The following CNTN5 variants were observed in gnomAD, a reference collection of about 807,000 sequenced individuals.
CNTN5 encodes the protein contactin 5, also known as contactin-5.
CNTN5 carries 77 observed loss-of-function variants against 129.1 expected under a neutral mutation model. That is an observed-to-expected ratio of 0.60 (90% CI 0.50 to 0.72). CNTN5 has a LOEUF of 0.72. Ranked by LOEUF, CNTN5 falls within the 30% of genes least tolerant of loss-of-function variation. The pLI, the probability that CNTN5 is intolerant of heterozygous loss-of-function variation, is 0.00. For synonymous variants in CNTN5, 509 were observed against 465.6 expected (o/e 1.09, Z -1.20); for missense variants, 1,478 against 1,328.8 (o/e 1.11, Z -1.75).
At chr11:99,576,542 T>C (rs1312350483) in intron 3 of CNTN5, among the ~76,000 whole-genome samples, 1 of 152,176 alleles carries the variant, frequency 6.6e-6, no homozygotes, top group African/African-American at 2.4e-5. Flanking sequence ...ACACTGTAGA[T>C]AAACCAGAGA....
rs773483789 is a variant in CNTN5 at position 99,408,480 on chromosome 11, A to AAG, written c.-71+82998_-71+82999dup. On this transcript the variant is annotated intron_variant, in intron 2 of 24. Transcript: ENST00000524871. Reference sequence around the variant, plus strand: ...AAAGAAAGAAAGAAAGAAAGAAAGAAAGAAAGAAAGAAAGAAAGAAAGAAA... The same window carrying AAG: ...AAAGAAAGAAAGAAAGAAAGAAAGAAAGAGAAAGAAAGAAAGAAAGAAAGAAA... Among the ~76,000 whole-genome samples the AAG allele has an allele frequency of 2.5e-4, 37 of 145,182 alleles. 2 individuals carry two copies. In the East Asian group the frequency reaches 2.9e-3, roughly 11 times the overall value.
intron 1 of CNTN5, among the ~76,000 whole-genome samples, chr11:99,139,816 C>T (rs1369322016): frequency 1.3e-5 from 2 of 152,008 alleles, no homozygotes; most frequent in Non-Finnish European, 2.9e-5. Context: ...ATTTTAAAAA[C>T]TTTCTGTCCT....
intron 3 of CNTN5, among the ~76,000 whole-genome samples, chr11:99,599,894 T>C (rs1950260387): frequency 6.6e-6 from 1 of 152,080 alleles, no homozygotes; most frequent in East Asian, 1.9e-4. Flanking sequence ...ATTTAATATA[T>C]TATACATAAA....
chr11:100,266,508 G>T (rs774800890), intron 17 of CNTN5, among the ~76,000 whole-genome samples: 7 of 151,750 alleles, frequency 4.6e-5, no homozygotes, highest in Non-Finnish European at 8.8e-5. Context: ...TTGTATAAAA[G>T]AGAAAGTTTT....
chr11:100,110,180 C>G (rs1454474394), intron 13 of CNTN5, among the ~76,000 whole-genome samples: 1 of 144,744 alleles, frequency 6.9e-6, no homozygotes, highest in Admixed American at 6.9e-5. Context: ...GAGTGAGACC[C>G]TATCTAAAAA....
chr11:99,938,842 A>G (rs1309607497), intron 7 of CNTN5, among the ~76,000 whole-genome samples: 1 of 152,152 alleles, frequency 6.6e-6, no homozygotes, highest in Non-Finnish European at 1.5e-5. Context: ...TAAATAGTCT[A>G]GGTGATAGAA....
intron 4 of CNTN5, among the ~76,000 whole-genome samples, chr11:99,830,128 C>T (rs748604386): frequency 4.6e-5 from 7 of 151,856 alleles, no homozygotes; most frequent in Admixed American, 1.3e-4. Context: ...TTTTCGGGGG[C>T]GGGGAGCATG....
chr11:100,337,333 G>T lies in CNTN5; in HGVS notation c.2731-3130G>T, dbSNP rs1473779005. The T allele has an allele frequency of 2.3e-5, 20 of 886,418 alleles. No individual in the cohort carries two copies. In the East Asian group the frequency reaches 4.6e-4, roughly 20 times the overall value. 54.9% of individuals were successfully genotyped at this position (886,418 alleles called of 1,614,324 possible). A position where few individuals can be genotyped will look rare whatever the true frequency, so the allele number is the denominator to read the frequency against. On this transcript the variant is annotated intron_variant, in intron 21 of 24. Transcript: ENST00000524871. ...TGAATGAGTTCACCATACATATTCTGGAAGTGATCGATGCACACATGATCA... is the reference window on the plus strand; with the variant it reads ...TGAATGAGTTCACCATACATATTCTTGAAGTGATCGATGCACACATGATCA...
At chr11:99,508,152 G>A (rs531815246) in intron 2 of CNTN5, among the ~76,000 whole-genome samples, 19 of 152,236 alleles carry the variant, frequency 1.2e-4, no homozygotes, top group African/African-American at 4.3e-4. Context: ...AAGAAAGAAC[G>A]TAGGCTTGGG....
At chr11:100,249,347 T>C (rs1167752262) in intron 16 of CNTN5, among the ~76,000 whole-genome samples, 1 of 152,202 alleles carries the variant, frequency 6.6e-6, no homozygotes, top group African/African-American at 2.4e-5. Context: ...GAACCCTTTA[T>C]TGAGGCTAGA....
chr11:99,610,957 C>A (rs929497475), intron 3 of CNTN5, among the ~76,000 whole-genome samples: 1 of 152,142 alleles, frequency 6.6e-6, no homozygotes, highest in African/African-American at 2.4e-5. Context: ...CCCAAGTACG[C>A]GTGCACACCA....
At position 99,845,163 on chromosome 11, in the gene CNTN5, A is replaced by T; in HGVS notation, c.478A>T (p.Ser160Cys). The part of the protein sequence containing the change: ...YSLIDGTFII[S>C]NPSEAKDSGH... Reference sequence around the variant, plus strand: ...TTTGATAGATGGCACCTTCATTATAAGCAATCCAAGTGAAGCAAAGGATTC... The same window carrying T: ...TTTGATAGATGGCACCTTCATTATATGCAATCCAAGTGAAGCAAAGGATTC... The change falls in exon 6 of 25, where the codon AGC becomes TGC. Residue 160 changes from serine (S) to cysteine (C), a missense_variant. Transcript: ENST00000524871. 1 of 1,613,788 alleles carries T rather than the reference A, an allele frequency of 6.2e-7. No individual in the cohort carries two copies. The highest frequency in any genetic ancestry group is 8.5e-7 in the Non-Finnish European group (1 of 1,179,826).
chr11:99,325,148 T>C (rs1030147947), intron 1 of CNTN5, among the ~76,000 whole-genome samples, 198 bp from the exon 2 acceptor site: 3 of 151,878 alleles, frequency 2.0e-5, no homozygotes, highest in Non-Finnish European at 4.4e-5. Context: ...AAAGGAAAAA[T>C]ACATCTGAAA....
intron 15 of CNTN5, among the ~76,000 whole-genome samples, chr11:100,204,309 TATATATATATA>T (rs1948863946): frequency 1.4e-5 from 1 of 73,862 alleles, no homozygotes; most frequent in South Asian, 4.4e-4. Flanking sequence ...TATATATATA[TATATATATATA>T]TATATATATA....
intron 1 of CNTN5, among the ~76,000 whole-genome samples, chr11:99,106,333 T>TTATAA (rs1866992880): frequency 1.3e-5 from 2 of 152,090 alleles, no homozygotes; most frequent in Non-Finnish European, 2.9e-5. Context: ...CTCAAACATA[T>TTATAA]GCTTAAGTAC....
rs1555115013 is a variant in CNTN5 at position 99,338,932 on chromosome 11, A to ATATATATATATATG, written c.-71+13461_-71+13462insGTATATATATATAT. The stretch of plus-strand genomic sequence containing the variant: ...TGTTCATTCACAGATATATATATAT[A>ATATATATATATATG]TATATATATATATATCTGTGATATA... On this transcript the variant is annotated intron_variant, in intron 2 of 24. Transcript: ENST00000524871. 2.4e-3 allele frequency among the ~76,000 whole-genome samples: 344 copies of ATATATATATATATG among 142,952 alleles called. 1 individual carries two copies. Among genetic ancestry groups the ATATATATATATATG allele is most frequent in the Admixed American group, 4.5e-3 (64 of 14,074 alleles). The allele number at this position is 142,952 out of a possible 152,430, so 93.8% of individuals were successfully genotyped here.
At chr11:99,948,901 T>A (rs1005497917) in intron 7 of CNTN5, among the ~76,000 whole-genome samples, 1 of 152,204 alleles carries the variant, frequency 6.6e-6, no homozygotes, top group African/African-American at 2.4e-5. Flanking sequence ...CTTCCTGCCC[T>A]CATTGCATTC....
intron 9 of CNTN5, among the ~76,000 whole-genome samples, chr11:100,039,371 A>C (rs1240090797): frequency 6.6e-6 from 1 of 152,122 alleles, no homozygotes; most frequent in Non-Finnish European, 1.5e-5. Flanking sequence ...TTTGAGGGTA[A>C]CCCGACCTTT....
intron 2 of CNTN5, among the ~76,000 whole-genome samples, chr11:99,430,801 A>C (rs148168056): frequency 1.3e-5 from 2 of 152,212 alleles, no homozygotes; most frequent in Non-Finnish European, 2.9e-5. Context: ...ATCTCCTACT[A>C]CATAAATATC....
Sources: allele counts gnomAD v4.1 joint callset (sites outside exome capture counted in the v4.1 genomes callset), GRCh38; gene constraint gnomAD v4.1.1; transcripts MANE v1.5; gene names NCBI Gene and HGNC (gene_info 2026-07-23, HGNC 2026-07-21).